The following FRMD1 variants were observed in gnomAD, a reference collection of about 807,000 sequenced individuals.
FRMD1 encodes FERM domain-containing protein 1.
A neutral mutation model predicts 54.9 loss-of-function variants in FRMD1; 51 were observed. The ratio of observed to expected loss-of-function variants is 0.93; its 90% confidence interval spans 0.74 to 1.17. FRMD1 has a LOEUF of 1.17. Ranked by LOEUF, FRMD1 falls within the 50% of genes most tolerant of loss-of-function variation. The pLI, the probability that FRMD1 is intolerant of heterozygous loss-of-function variation, is 0.00. For synonymous variants in FRMD1, 324 were observed against 306.4 expected (o/e 1.06, Z -0.60); for missense variants, 729 against 743.0 (o/e 0.98, Z 0.22).
chr6:168,058,131 C>T (rs998397237), intron 10 of FRMD1, among the ~76,000 whole-genome samples: 1 of 152,182 alleles, frequency 6.6e-6, no homozygotes, highest in Admixed American at 6.5e-5. Context: ...TCCCCTCCCT[C>T]CTCCCGTGCC....
chr6:168,085,208 G>T (rs910262846), upstream of FRMD1, among the ~76,000 whole-genome samples: 3 of 152,248 alleles, frequency 2.0e-5, no homozygotes, highest in African/African-American at 7.2e-5. Flanking sequence ...TAGAGAACTA[G>T]AAAGGCCCCA....
upstream of FRMD1, among the ~76,000 whole-genome samples, chr6:168,083,532 C>A (rs1490547150): frequency 6.6e-6 from 1 of 152,244 alleles, no homozygotes; most frequent in Admixed American, 6.5e-5. Context: ...TTAACCCCAA[C>A]GGGAAAGATG....
intron 1 of FRMD1, among the ~76,000 whole-genome samples, chr6:168,076,943 T>C (rs1800620710): frequency 6.6e-6 from 1 of 151,830 alleles, no homozygotes; most frequent in South Asian, 2.1e-4. Context: ...CACACGAGTA[T>C]ACACCCCAAT....
intron 8 of FRMD1, 121 bp downstream of exon 8, chr6:168,061,686 G>A: frequency 2.8e-6 from 3 of 1,062,668 alleles, no homozygotes; most frequent in South Asian, 3.3e-5. Flanking sequence ...GGGGACGTGG[G>A]AGTCAGGAGG....
Position 168,060,810 on chromosome 6 carries a change from G to T in FRMD1, c.1293C>A (p.Ser431=). The T allele has an allele frequency of 1.2e-6, 2 of 1,613,094 alleles. No homozygotes were observed. The highest frequency in any genetic ancestry group is 1.7e-6 in the Non-Finnish European group (2 of 1,179,648). Residue 431 remains serine (S), a synonymous_variant, in exon 9 of 11, where the codon TCC becomes TCA. Transcript: ENST00000283309. ...GGTGGCTGCGGCTGGTCCTGGGGCT[G>T]GAGGACGGCTCCTTCTCATGGAGCC... The part of the protein sequence containing the change: ...VHGLHEKEPS[S]SPRTSRSHPS...
rs1217167453 is a variant in FRMD1, at chr6:168,054,180, C to G, written c.*2917G>C. On this transcript the variant is annotated 3_prime_UTR_variant, in exon 11 of 11. Coordinates refer to ENST00000283309, the MANE Select transcript of FRMD1 (RefSeq NM_024919.6). ...GGAGAGCTGCGCCCTCAGACCCAGA[C>G]CCCCGCAGCAGCAATGCAGGTTCCG... is the stretch of plus-strand genomic sequence containing the variant. The G allele has an allele frequency of 6.6e-6, 1 of 152,318 alleles. No individual in the cohort carries two copies. Among genetic ancestry groups the G allele is most frequent in the East Asian group, 1.9e-4 (1 of 5,180 alleles). The allele number at this position is 152,318 out of a possible 1,614,324, so 9.4% of individuals were successfully genotyped here.
chr6:168,088,012 G>A (rs1434943319), intron 1 of FRMD1, among the ~76,000 whole-genome samples: 1 of 152,200 alleles, frequency 6.6e-6, no homozygotes, highest in Non-Finnish European at 1.5e-5. Flanking sequence ...TCCCAGCAGG[G>A]CCTCTCAGCC....
At chr6:168,066,268 G>A in intron 4 of FRMD1, 3 of 936,744 alleles carry the variant, frequency 3.2e-6, no homozygotes, top group Non-Finnish European at 2.6e-6. Flanking sequence ...GGAGGTCGAG[G>A]CGGGTGGATC....
chr6:168,060,233 G>T (rs1462532166), intron 9 of FRMD1, among the ~76,000 whole-genome samples: 1 of 143,828 alleles, frequency 7.0e-6, no homozygotes, highest in African/African-American at 2.6e-5. Context: ...TCCTAGGAGT[G>T]GGGGTCTTCC....
upstream of FRMD1, among the ~76,000 whole-genome samples, chr6:168,082,500 G>A (rs570515365): frequency 6.6e-6 from 1 of 152,290 alleles, no homozygotes; most frequent in South Asian, 2.1e-4. Flanking sequence ...TCAGCACTGC[G>A]AGGGCTTCTC....
intron 10 of FRMD1, among the ~76,000 whole-genome samples, chr6:168,058,181 C>T (rs1004858410): frequency 2.0e-5 from 3 of 149,810 alleles, no homozygotes; most frequent in Non-Finnish European, 4.4e-5. Flanking sequence ...GGTGCCCAGC[C>T]CTGTTCTCTC....
intron 1 of FRMD1, among the ~76,000 whole-genome samples, chr6:168,091,575 G>A (rs949891997): frequency 6.6e-6 from 1 of 152,226 alleles, no homozygotes; most frequent in African/African-American, 2.4e-5. Flanking sequence ...GCCGGTGGGC[G>A]GATCTTGATG....
At chr6:168,072,866 A>G (rs1311921391) in intron 2 of FRMD1, among the ~76,000 whole-genome samples, 4 of 152,180 alleles carry the variant, frequency 2.6e-5, no homozygotes. Flanking sequence ...AAAACCGAAT[A>G]GCAAAACTGG....
chr6:168,075,296 T>C lies in FRMD1; in HGVS notation c.253A>G (p.Asn85Asp). The C allele has an allele frequency of 6.2e-7, 1 of 1,613,674 alleles. No homozygotes were observed. The highest frequency in any genetic ancestry group is 8.5e-7 in the Non-Finnish European group (1 of 1,180,004). The change falls in exon 2 of 11, where the codon AAC becomes GAC. Residue 85 changes from asparagine to aspartate, a missense_variant. By Grantham distance (23) the Asn-to-Asp change is conservative. Coordinates refer to ENST00000283309, the MANE Select transcript of FRMD1 (RefSeq NM_024919.6). ...TGRELFQQVCNVASIRDAQFF... is the reference protein window; with the variant it reads ...TGRELFQQVCDVASIRDAQFF... Reference sequence around the variant, plus strand: ...TGCGCGTCTCTGATGCTCGCCACGTTGCACACTTGCTGGAAAAGCTCGCGG... The same window carrying C: ...TGCGCGTCTCTGATGCTCGCCACGTCGCACACTTGCTGGAAAAGCTCGCGG...
chr6:168,077,418 A>T (rs1037670125), intron 1 of FRMD1, among the ~76,000 whole-genome samples: 1 of 110,220 alleles, frequency 9.1e-6, no homozygotes, highest in Middle Eastern at 4.8e-3. Context: ...ATGACTGCAC[A>T]ACCCAGTGAG....
upstream of FRMD1, among the ~76,000 whole-genome samples, chr6:168,081,124 G>A (rs1416437070): frequency 1.3e-5 from 2 of 152,154 alleles, no homozygotes; most frequent in Non-Finnish European, 2.9e-5. Flanking sequence ...CCATCTGAGT[G>A]CCAGGGAGAG....
rs749505013 is a variant in FRMD1, at chr6:168,075,319, C to T, written c.230G>A (p.Arg77His). The T allele has an allele frequency of 5.6e-6, 9 of 1,612,912 alleles. No homozygotes were observed. Among genetic ancestry groups the T allele is most frequent in the African/African-American group, 2.7e-5 (2 of 74,916 alleles). The change falls in exon 2 of 11, where the codon CGC becomes CAC. Residue 77 changes from arginine to histidine, a missense_variant. Arg to His is a conservative substitution (Grantham distance 29). Transcript: ENST00000283309. ...RLAVGVKATG[R>H]ELFQQVCNVA... is the part of the protein sequence containing the mutation. ...GTTGCACACTTGCTGGAAAAGCTCGCGGCCAGTAGCCTTCACCTGCAAAAG... is the reference window on the plus strand; with the variant it reads ...GTTGCACACTTGCTGGAAAAGCTCGTGGCCAGTAGCCTTCACCTGCAAAAG...
At chr6:168,065,434 A>T (rs772185528) in intron 4 of FRMD1, 3 of 1,019,860 alleles carry the variant, frequency 2.9e-6, no homozygotes, top group Non-Finnish European at 3.5e-6. Context: ...GAATCCCTGG[A>T]TGTGGACAGA....
chr6:168,062,117 T>G (rs1439617514), intron 7 of FRMD1, 136 bp from the exon 8 acceptor site: 1 of 894,326 alleles, frequency 1.1e-6, no homozygotes, highest in African/African-American at 1.7e-5. Context: ...CAGATGGCTG[T>G]TGGCGGACAC....
Sources: gnomAD v4.1 joint callset for allele counts (sites outside exome capture counted in the v4.1 genomes callset) on GRCh38, gnomAD v4.1.1 for gene constraint, MANE v1.5 for transcripts, NCBI Gene and HGNC (gene_info 2026-07-23, HGNC 2026-07-21) for gene names.